APP: variants seen among roughly 807,000 people sequenced by gnomAD.
APP encodes amyloid-beta precursor protein.
A neutral mutation model predicts 101.4 loss-of-function variants in APP; 31 were observed. The observed-to-expected ratio is 0.31, with a 90% CI of 0.23 to 0.41. APP has a LOEUF of 0.41. Ranked by LOEUF, APP falls within the 10% of genes least tolerant of loss-of-function variation. The pLI, the probability that APP is intolerant of heterozygous loss-of-function variation, is 1.00. For synonymous variants in APP, 366 were observed against 364.4 expected, an observed-to-expected ratio of 1.00 and a Z score of -0.05; for missense variants, 839 against 1,003.7, an observed-to-expected ratio of 0.84 and a Z score of 2.22.
intron 16 of APP, among the ~76,000 whole-genome samples, chr21:25,893,153 G>A (rs546723820): frequency 3.2e-4 from 48 of 152,150 alleles, no homozygotes; most frequent in African/African-American, 1.1e-3. Flanking sequence ...TTGTTTTGGA[G>A]TGTCATGAAA....
At chr21:25,906,714 C>T (rs2038809446) in intron 14 of APP, among the ~76,000 whole-genome samples, 1 of 151,988 alleles carries the variant, frequency 6.6e-6, no homozygotes, top group South Asian at 2.1e-4. Flanking sequence ...CTGTATTACT[C>T]CTTGTAAAAT....
chr21:26,103,062 TC>T (rs2062099200), intron 2 of APP, among the ~76,000 whole-genome samples: 1 of 152,124 alleles, frequency 6.6e-6, no homozygotes, highest in Admixed American at 6.5e-5. Flanking sequence ...TCTACTGTGG[TC>T]ATCTATGATT....
At chr21:25,974,937 G>A (rs886334132) in intron 11 of APP, 133 bp downstream of exon 11, 13 of 1,333,376 alleles carry the variant, frequency 9.7e-6, no homozygotes, top group Non-Finnish European at 1.4e-5. Context: ...GAATGGACAG[G>A]GGTTGAACCT....
intron 2 of APP, among the ~76,000 whole-genome samples, chr21:26,094,525 G>GA (rs1289087771): frequency 2.0e-5 from 3 of 149,214 alleles, no homozygotes; most frequent in Non-Finnish European, 4.4e-5. Context: ...ATCCAGAGAG[G>GA]AAAAAAAGCC....
intron 13 of APP, 31 bp downstream of exon 13, chr21:25,954,559 A>C: frequency 6.4e-7 from 1 of 1,563,336 alleles, no homozygotes; most frequent in Non-Finnish European, 8.8e-7. Context: ...ATACATGTCC[A>C]TGTGCAGCAT....
intron 9 of APP, 46 bp downstream of exon 9, chr21:25,982,298 G>C: frequency 6.2e-7 from 1 of 1,607,910 alleles, no homozygotes; most frequent in Non-Finnish European, 8.5e-7. Context: ...GGCAAGCTCA[G>C]GTTTCCCAAT....
At chr21:26,122,966 A>G (rs904639559) in intron 1 of APP, among the ~76,000 whole-genome samples, 2 of 152,138 alleles carry the variant, frequency 1.3e-5, no homozygotes, top group African/African-American at 4.8e-5. Flanking sequence ...ATGGATGTAA[A>G]GATAGTAAGA....
At chr21:25,927,236 CTT>C (rs899770287) in intron 13 of APP, among the ~76,000 whole-genome samples, 8 of 152,140 alleles carry the variant, frequency 5.3e-5, no homozygotes, top group African/African-American at 1.9e-4. Context: ...CTGCCTGTCA[CTT>C]TGCTTGGACA....
Position 26,000,190 on chromosome 21 carries a change from G to A in APP, c.866-8C>T. ...CTTGTTCAGAGCACACCTCTAATCAGAGGAGATGTGGGGAACCACATTTAG... is the reference window on the plus strand; with the variant it reads ...CTTGTTCAGAGCACACCTCTAATCAAAGGAGATGTGGGGAACCACATTTAG... On this transcript the variant is annotated splice_region_variant and splice_polypyrimidine_tract_variant and intron_variant, in intron 6 of 17. Transcript: ENST00000346798. 1 of 1,614,152 alleles carries A rather than the reference G, an allele frequency of 6.2e-7. No homozygotes were observed. Among genetic ancestry groups the A allele is most frequent in the Non-Finnish European group, 8.5e-7 (1 of 1,179,986 alleles).
intron 8 of APP, among the ~76,000 whole-genome samples, chr21:25,992,423 A>G (rs997838743): frequency 1.1e-4 from 17 of 152,198 alleles, no homozygotes; most frequent in Non-Finnish European, 2.1e-4. Flanking sequence ...TTATCTTCAG[A>G]CTTTTGTATA....
chr21:25,940,003 G>A (rs2829991), intron 13 of APP, among the ~76,000 whole-genome samples: 6,434 of 152,088 alleles, frequency 0.042, 441 homozygotes, highest in African/African-American at 0.15. Context: ...AGAAGAAAGC[G>A]GAGAATGTCT....
intron 5 of APP, among the ~76,000 whole-genome samples, chr21:26,028,416 T>C (rs1382232652): frequency 6.6e-6 from 1 of 152,156 alleles, no homozygotes; most frequent in Admixed American, 6.5e-5. Context: ...GCATCTGAGT[T>C]GGCCGGAAGT....
chr21:26,095,135 T>C (rs2061913278), intron 2 of APP, among the ~76,000 whole-genome samples: 1 of 152,174 alleles, frequency 6.6e-6, no homozygotes, highest in Non-Finnish European at 1.5e-5. Flanking sequence ...TGAGCCACCG[T>C]GCCCGGCCTA....
intron 2 of APP, among the ~76,000 whole-genome samples, chr21:26,092,603 A>C (rs1003684618): frequency 6.6e-6 from 1 of 152,198 alleles, no homozygotes; most frequent in African/African-American, 2.4e-5. Context: ...ACAATGATGG[A>C]CATATGTCAT....
At chr21:26,118,469 T>A (rs1024250896) in intron 1 of APP, among the ~76,000 whole-genome samples, 1 of 152,188 alleles carries the variant, frequency 6.6e-6, no homozygotes. Context: ...ACCATACACA[T>A]ACTATATAGT....
chr21:25,986,302 G>C (rs1407240002), intron 8 of APP, among the ~76,000 whole-genome samples: 1 of 152,154 alleles, frequency 6.6e-6, no homozygotes, highest in Non-Finnish European at 1.5e-5. Context: ...CTTAGAAAGT[G>C]GAAACAAACT....
At chr21:25,930,021 A>G (rs1352126275) in intron 13 of APP, among the ~76,000 whole-genome samples, 1 of 152,188 alleles carries the variant, frequency 6.6e-6, no homozygotes, top group Non-Finnish European at 1.5e-5. Flanking sequence ...AGTGAGTCAC[A>G]TACAGGAGAC....
At chr21:26,035,196 G>A (rs115895369) in intron 5 of APP, among the ~76,000 whole-genome samples, 3,242 of 152,158 alleles carry the variant, frequency 0.021, 105 homozygotes, top group African/African-American at 0.074. Flanking sequence ...GAGCCAGGGA[G>A]GTCAAGGCTA....
intron 6 of APP, among the ~76,000 whole-genome samples, chr21:26,002,786 C>T (rs1281467564): frequency 7.9e-6 from 1 of 125,812 alleles, no homozygotes; most frequent in Non-Finnish European, 1.6e-5. Flanking sequence ...AAAAAAGTAT[C>T]ATCTTAGAGT....
Sources: allele counts gnomAD v4.1 joint callset (sites outside exome capture counted in the v4.1 genomes callset), GRCh38; gene constraint gnomAD v4.1.1; transcripts MANE v1.5; gene names NCBI Gene and HGNC (gene_info 2026-07-23, HGNC 2026-07-21).